CNTNAP5: variants seen among roughly 807,000 people sequenced by gnomAD.
CNTNAP5 encodes contactin associated protein family member 5, also known as contactin-associated protein-like 5.
Under a neutral mutation model 150.2 loss-of-function variants are expected in CNTNAP5, and 72 were observed. That is an observed-to-expected ratio of 0.48 (90% CI 0.40 to 0.58). The LOEUF is 0.58. Among genes scored for constraint, CNTNAP5 ranks in the 20% least tolerant of loss-of-function variants. CNTNAP5 has a pLI of 0.00. For missense variants in CNTNAP5, 1,636 were observed against 1,626.2 expected (o/e 1.01, Z -0.10); for synonymous variants, 672 against 619.8 (o/e 1.08, Z -1.25).
intron 1 of CNTNAP5, among the ~76,000 whole-genome samples, chr2:124,179,865 C>G (rs1285573904): frequency 6.6e-6 from 1 of 152,170 alleles, no homozygotes; most frequent in Non-Finnish European, 1.5e-5. Context: ...CTTGATGCTG[C>G]TCATCTGCTT....
rs999884438 is a variant in CNTNAP5, at chr2:124,915,004, G to A, written c.*716G>A. On this transcript the variant is annotated 3_prime_UTR_variant, in exon 24 of 24. Coordinates refer to ENST00000682447, the MANE Select transcript of CNTNAP5 (RefSeq NM_001367498.1). Reference sequence around the variant, plus strand: ...CATAGCATAAAGCTAGGGGATGCATGGAAATAGCAGCTTGAAACTAGGAGG... The same window carrying A: ...CATAGCATAAAGCTAGGGGATGCATAGAAATAGCAGCTTGAAACTAGGAGG... The A allele has an allele frequency of 6.5e-6, 1 of 153,058 alleles. No individual in the cohort carries two copies. The highest frequency in any genetic ancestry group is 2.4e-5 in the African/African-American group (1 of 41,408). The allele number at this position is 153,058 out of a possible 1,614,324, so 9.5% of individuals were successfully genotyped here.
In CNTNAP5 at chr2:124,916,663, T is replaced by C. The variant is rs1264050771; in HGVS notation, c.*2375T>C. Among the ~76,000 whole-genome samples the C allele has an allele frequency of 6.6e-6, 1 of 152,078 alleles. No individual in the cohort carries two copies. The highest frequency in any genetic ancestry group is 1.5e-5 in the Non-Finnish European group (1 of 67,964). On this transcript the variant is annotated 3_prime_UTR_variant, in exon 24 of 24. Coordinates refer to ENST00000682447, the MANE Select transcript of CNTNAP5 (RefSeq NM_001367498.1). ...TTTGATTTTCTCATCTAAGTATATATGCTTGTAGATTGTCCTGTAGGATGA... is the reference window on the plus strand; with the variant it reads ...TTTGATTTTCTCATCTAAGTATATACGCTTGTAGATTGTCCTGTAGGATGA...
chr2:124,761,255 G>A (rs1680949725), intron 14 of CNTNAP5, among the ~76,000 whole-genome samples: 1 of 151,994 alleles, frequency 6.6e-6, no homozygotes, highest in South Asian at 2.1e-4. Context: ...GTTTTGAAGT[G>A]CTGGAATGGT....
intron 11 of CNTNAP5, among the ~76,000 whole-genome samples, chr2:124,606,827 C>G (rs1458020364): frequency 1.3e-5 from 2 of 152,132 alleles, no homozygotes; most frequent in Non-Finnish European, 2.9e-5. Flanking sequence ...CCCCCTAATT[C>G]AATTACCTCG....
At chr2:124,370,424 G>A (rs1036719828) in intron 3 of CNTNAP5, among the ~76,000 whole-genome samples, 2 of 152,196 alleles carry the variant, frequency 1.3e-5, no homozygotes, top group Middle Eastern at 3.4e-3. Context: ...CCTGCTTTTA[G>A]GACTTCTCAA....
At chr2:124,715,976 T>C (rs970809003) in intron 13 of CNTNAP5, among the ~76,000 whole-genome samples, 2 of 152,134 alleles carry the variant, frequency 1.3e-5, no homozygotes, top group African/African-American at 4.8e-5. Context: ...AGTGTACAAC[T>C]CCTCTAAAAC....
At chr2:124,802,854 G>T (rs1301692223) in intron 19 of CNTNAP5, among the ~76,000 whole-genome samples, 1 of 152,174 alleles carries the variant, frequency 6.6e-6, no homozygotes, top group African/African-American at 2.4e-5. Context: ...GCCAGGCGCG[G>T]TGGCTCACAC....
At chr2:124,826,734 T>C (rs1442226737) in intron 19 of CNTNAP5, among the ~76,000 whole-genome samples, 1 of 152,078 alleles carries the variant, frequency 6.6e-6, no homozygotes, top group African/African-American at 2.4e-5. Context: ...GTGATCCTCC[T>C]ATTTGAAAAT....
At chr2:124,049,452 T>C (rs777163582) in intron 1 of CNTNAP5, among the ~76,000 whole-genome samples, 18 of 152,244 alleles carry the variant, frequency 1.2e-4, no homozygotes, top group Non-Finnish European at 1.6e-4. Context: ...AAAACTTTTA[T>C]GTATAACTTA....
chr2:124,029,865 T>A (rs960877258), intron 1 of CNTNAP5, among the ~76,000 whole-genome samples: 41 of 152,258 alleles, frequency 2.7e-4, no homozygotes, highest in Non-Finnish European at 3.2e-4. Flanking sequence ...GTGTATACAA[T>A]GATAATTATC....
intron 3 of CNTNAP5, among the ~76,000 whole-genome samples, chr2:124,289,918 C>A (rs891287719): frequency 3.3e-5 from 5 of 152,124 alleles, no homozygotes; most frequent in Non-Finnish European, 7.4e-5. Context: ...AGAAACTCTA[C>A]TTGTGGGATT....
intron 1 of CNTNAP5, chr2:124,135,273 C>A (rs1456954574): frequency 6.6e-6 from 1 of 152,208 alleles, no homozygotes; most frequent in African/African-American, 2.4e-5. Flanking sequence ...ATTTCCCCAG[C>A]CAGCTCCCAC....
chr2:124,113,504 ATATGTG>A (rs1683350759), intron 1 of CNTNAP5, among the ~76,000 whole-genome samples: 1 of 115,352 alleles, frequency 8.7e-6, no homozygotes, highest in African/African-American at 3.3e-5. Context: ...TGATACATAT[ATATGTG>A]TGTGTGTGTG....
chr2:124,582,617 C>T (rs1362678041), intron 11 of CNTNAP5, among the ~76,000 whole-genome samples: 1 of 152,104 alleles, frequency 6.6e-6, no homozygotes, highest in Non-Finnish European at 1.5e-5. Flanking sequence ...GTTCTGATGG[C>T]CTGCTCAGGC....
At chr2:124,092,875 TACAA>T (rs1251390022) in intron 1 of CNTNAP5, among the ~76,000 whole-genome samples, 7 of 152,202 alleles carry the variant, frequency 4.6e-5, no homozygotes, top group African/African-American at 1.7e-4. Context: ...AATCACGTGA[TACAA>T]ACAATGAAAC....
At chr2:124,230,136 GCA>G (rs1427985813) in intron 2 of CNTNAP5, among the ~76,000 whole-genome samples, 1 of 152,024 alleles carries the variant, frequency 6.6e-6, no homozygotes, top group African/African-American at 2.4e-5. Flanking sequence ...TCCCGCTTTG[GCA>G]CAGATTCCAT....
chr2:124,822,363 C>A lies in CNTNAP5; in HGVS notation c.3217+24043C>A, dbSNP rs753320845. 3.3e-5 allele frequency among the ~76,000 whole-genome samples: 5 copies of A among 152,070 alleles called. No homozygotes were observed. The East Asian group carries it at 9.7e-4, about 29-fold the overall frequency. ...TTACAACCTTGTCTTAACTCTTGCC[C>A]TCATTCTTTGAGACTAGCTTTATGG... On this transcript the variant is annotated intron_variant, in intron 19 of 23. Transcript: ENST00000682447.
chr2:124,102,570 C>T (rs960704015), intron 1 of CNTNAP5, among the ~76,000 whole-genome samples: 2 of 152,164 alleles, frequency 1.3e-5, no homozygotes, highest in Non-Finnish European at 2.9e-5. Context: ...AGAGGCGGAC[C>T]TGGAAGCAAT....
At chr2:124,656,527 C>T (rs920391165) in intron 13 of CNTNAP5, among the ~76,000 whole-genome samples, 2 of 152,080 alleles carry the variant, frequency 1.3e-5, no homozygotes, top group African/African-American at 4.8e-5. Context: ...TCACTGGGGA[C>T]TTGAAGTCAA....
Sources: gnomAD v4.1 joint callset for allele counts (sites outside exome capture counted in the v4.1 genomes callset) on GRCh38, gnomAD v4.1.1 for gene constraint, MANE v1.5 for transcripts, NCBI Gene and HGNC (gene_info 2026-07-23, HGNC 2026-07-21) for gene names.